The following RNF216 variants were observed in gnomAD, a reference collection of about 807,000 sequenced individuals.
RNF216 encodes E3 ubiquitin-protein ligase RNF216.
RNF216 carries 72 observed loss-of-function variants against 110.8 expected under a neutral mutation model. The ratio of observed to expected loss-of-function variants is 0.65; its 90% CI spans 0.54 to 0.79. The LOEUF (loss-of-function observed/expected upper bound fraction) is 0.79. RNF216 is among the 30% of genes least tolerant of loss of function. RNF216 has a pLI of 0.00. For synonymous variants in RNF216, 495 were observed against 407.5 expected (o/e 1.21, Z -2.59); for missense variants, 1,342 against 1,141.2 (o/e 1.18, Z -2.54).
chr7:5,744,405 G>A (rs1794924045), intron 3 of RNF216, among the ~76,000 whole-genome samples: 1 of 152,074 alleles, frequency 6.6e-6, no homozygotes, highest in Non-Finnish European at 1.5e-5. Flanking sequence ...CACATAACTG[G>A]AGTTGTAGAA....
intron 13 of RNF216, among the ~76,000 whole-genome samples, chr7:5,676,967 A>T (rs1276040524): frequency 2.0e-5 from 3 of 152,176 alleles, no homozygotes; most frequent in Non-Finnish European, 4.4e-5. Flanking sequence ...GGGAAGGGTT[A>T]TTGTTCCTTA....
chr7:5,689,872 G>A (rs531361327), intron 13 of RNF216, among the ~76,000 whole-genome samples: 5 of 151,548 alleles, frequency 3.3e-5, no homozygotes, highest in African/African-American at 4.8e-5. Flanking sequence ...TCCAGGAGGC[G>A]GGGGGTTGCA....
chr7:5,753,701 T>A lies in RNF216; in HGVS notation c.68-722A>T, dbSNP rs994718185. Among the ~76,000 whole-genome samples the A allele has an allele frequency of 9.2e-5, 14 of 152,006 alleles. No individual in the cohort carries two copies. The East Asian group carries it at 1.9e-3, about 21-fold the overall frequency. On this transcript the variant is annotated intron_variant, in intron 2 of 16. Coordinates refer to ENST00000389902, the MANE Select transcript of RNF216 (RefSeq NM_207111.4). ...TATCAAAGGTTAAGAGGGACAATTT[T>A]AAAAAAAAGCATTGGCCGGGAGCAG...
At position 5,667,060 on chromosome 7, in the gene RNF216, G is replaced by A. The variant is rs147669836; in HGVS notation, c.2062-14550C>T. ...GGGCTCAAAGGATGCACCCGCCTCG[G>A]CCTCCCATATGCTGGGATTACAGTT... On this transcript the variant is annotated intron_variant, in intron 13 of 16. Coordinates refer to ENST00000389902, the MANE Select transcript of RNF216 (RefSeq NM_207111.4). Among the ~76,000 whole-genome samples, 16 of 152,208 alleles carry A rather than the reference G, an allele frequency of 1.1e-4. No homozygotes were observed. The East Asian group carries it at 3.1e-3, about 29-fold the overall frequency.
chr7:5,736,246 T>C (rs1794390093), intron 5 of RNF216, among the ~76,000 whole-genome samples: 2 of 152,116 alleles, frequency 1.3e-5, no homozygotes, highest in South Asian at 2.1e-4. Context: ...GCCTGCCGAG[T>C]GCCTGTGATT....
intron 14 of RNF216, chr7:5,649,619 C>CT (rs1363776860): frequency 6.6e-6 from 1 of 151,176 alleles, no homozygotes; most frequent in Non-Finnish European, 1.5e-5. Flanking sequence ...CACCCTCTCT[C>CT]TAAAAAAAAA....
rs1388542878 is a variant in RNF216 at position 5,624,139 on chromosome 7, A to C, written c.2383-14T>G. 2.5e-6 allele frequency: 4 copies of C among 1,610,478 alleles called. No individual in the cohort carries two copies. The highest frequency in any genetic ancestry group is 4.5e-5 in the East Asian group (2 of 44,876). On this transcript the variant is annotated splice_polypyrimidine_tract_variant and intron_variant, in intron 15 of 16. Transcript: ENST00000389902. The surrounding 1 kb of genome is among the most constrained non-coding windows in gnomAD (Gnocchi z 4.4). ...CTCATCATCTTCCTAAAACGCAAGC[A>C]ATGAGAAGGATGAACCTGTAGCTTC...
intron 15 of RNF216, among the ~76,000 whole-genome samples, chr7:5,640,293 A>G (rs759154660): frequency 2.6e-5 from 4 of 152,126 alleles, no homozygotes; most frequent in Non-Finnish European, 5.9e-5. Flanking sequence ...GATGTAATGC[A>G]AGAAAAACCT....
At position 5,623,118 on chromosome 7, in the gene RNF216, C is replaced by T; in HGVS notation, c.2514G>A (p.Val838=). The change falls in exon 17 of 17, where the codon GTG becomes GTA. Residue 838 remains valine (V), a synonymous_variant. Coordinates refer to ENST00000389902, the MANE Select transcript of RNF216 (RefSeq NM_207111.4). ...GCGGAACGGGCCTCGGGAGGGCCTC[C>T]ACCCTCTGCACCTTCTCCACAGGCT... ...LEKPVEKVQR[V]EALPRPVPQN... The T allele has an allele frequency of 1.9e-6, 3 of 1,599,986 alleles. No individual in the cohort carries two copies. Among genetic ancestry groups the T allele is most frequent in the Non-Finnish European group, 1.7e-6 (2 of 1,169,340 alleles).
chr7:5,632,183 T>C (rs1400529242), intron 15 of RNF216, among the ~76,000 whole-genome samples: 2 of 152,190 alleles, frequency 1.3e-5, no homozygotes, highest in East Asian at 3.8e-4. Flanking sequence ...GTTCATGCCA[T>C]TTGCCCTGGC....
At chr7:5,721,809 T>C (rs1793442682) in intron 8 of RNF216, among the ~76,000 whole-genome samples, 2 of 152,244 alleles carry the variant, frequency 1.3e-5, no homozygotes, top group African/African-American at 4.8e-5. Context: ...GAAGGAACAG[T>C]ACCTAGATTC....
chr7:5,726,751 T>TG (rs1284877697), intron 7 of RNF216, among the ~76,000 whole-genome samples: 9 of 151,442 alleles, frequency 5.9e-5, no homozygotes, highest in South Asian at 2.1e-4. Flanking sequence ...CCCAGCTACT[T>TG]GGGGGGCTAA....
chr7:5,653,399 C>A (rs1374440115), intron 13 of RNF216, among the ~76,000 whole-genome samples: 1 of 151,734 alleles, frequency 6.6e-6, no homozygotes, highest in African/African-American at 2.4e-5. Flanking sequence ...GAGATTGAAA[C>A]CATCCTGGCT....
At chr7:5,777,283 C>G (rs1796837428) in intron 1 of RNF216, among the ~76,000 whole-genome samples, 1 of 152,206 alleles carries the variant, frequency 6.6e-6, no homozygotes, top group Non-Finnish European at 1.5e-5. Context: ...AAACTGTCAA[C>G]AAACAAAATT....
intron 13 of RNF216, among the ~76,000 whole-genome samples, chr7:5,658,675 A>AAAAAT (rs1264793663): frequency 6.8e-6 from 1 of 146,894 alleles, no homozygotes; most frequent in Non-Finnish European, 1.5e-5. Context: ...AAAAAAAAAA[A>AAAAAT]TTTTTTTAAC....
At chr7:5,700,251 G>C (rs566225865) in intron 13 of RNF216, among the ~76,000 whole-genome samples, 1 of 152,102 alleles carries the variant, frequency 6.6e-6, no homozygotes. Context: ...ACCACAAGCC[G>C]CACACGTGCA....
intron 10 of RNF216, among the ~76,000 whole-genome samples, chr7:5,715,600 T>C (rs2287592): frequency 0.56 from 68,808 of 123,714 alleles, 16,077 homozygotes; most frequent in East Asian, 0.78. Context: ...ATAAGGAGTG[T>C]GAATGGGTCT....
chr7:5,753,106 A>C lies in RNF216; in HGVS notation c.68-127T>G. 5 of 871,514 alleles carry C rather than the reference A, an allele frequency of 5.7e-6. No individual in the cohort carries two copies. In the South Asian group the frequency reaches 1.1e-4, roughly 19 times the overall value. 54.0% of individuals were successfully genotyped at this position (871,514 alleles called of 1,614,324 possible). The stretch of plus-strand genomic sequence containing the variant: ...GCTACTAGTGTAACGTACCTCCTCA[A>C]GCAGCCCGTGCACTTAAGCATTAAG... On this transcript the variant is annotated intron_variant, in intron 2 of 16. Coordinates refer to ENST00000389902, the MANE Select transcript of RNF216 (RefSeq NM_207111.4).
chr7:5,766,752 T>C (rs1201535521), intron 1 of RNF216: 1 of 152,228 alleles, frequency 6.6e-6, no homozygotes, highest in Non-Finnish European at 1.5e-5. Flanking sequence ...ACAACACATA[T>C]AGCACAGAAA....
Sources: gnomAD v4.1 joint callset for allele counts (sites outside exome capture counted in the v4.1 genomes callset) on GRCh38, gnomAD v4.1.1 for gene constraint, Gnocchi (gnomAD v3.1) non-coding constraint, MANE v1.5 for transcripts, NCBI Gene and HGNC (gene_info 2026-07-23, HGNC 2026-07-21) for gene names.